TMEM108: variants seen among roughly 807,000 people sequenced by gnomAD.
TMEM108 encodes the protein transmembrane protein 108.
Under a neutral mutation model 35.1 loss-of-function variants are expected in TMEM108, and 12 were observed. That is an observed-to-expected ratio of 0.34 (90% CI 0.22 to 0.55). The LOEUF (loss-of-function observed/expected upper bound fraction) is 0.55, where lower values mean the gene tolerates loss of function less well. TMEM108 is among the 20% of genes least tolerant of loss of function. The pLI, the probability that TMEM108 is intolerant of heterozygous loss-of-function variation, is 0.89. For synonymous variants in TMEM108, 287 were observed against 308.6 expected (o/e 0.93, Z 0.73); for missense variants, 680 against 753.3 (o/e 0.90, Z 1.14).
chr3:133,131,129 A>G lies in TMEM108; in HGVS notation c.-47+85109A>G, dbSNP rs564987654. ...TGAATATTTATGTAAACAGCTTTGT[A>G]TAGAAACTTTTCCGTTTAAAACTAA... On this transcript the variant is annotated intron_variant, in intron 2 of 5. Transcript: ENST00000321871. Among the ~76,000 whole-genome samples, 16 of 152,278 alleles carry G rather than the reference A, an allele frequency of 1.1e-4. 1 individual carries two copies. The highest frequency in any genetic ancestry group is 3.1e-4 in the African/African-American group (13 of 41,566).
At chr3:133,183,861 A>C (rs1045438464) in intron 2 of TMEM108, among the ~76,000 whole-genome samples, 2 of 152,206 alleles carry the variant, frequency 1.3e-5, no homozygotes, top group Non-Finnish European at 2.9e-5. Context: ...GTCTGCAGCC[A>C]GCCACAGCTG....
intron 2 of TMEM108, among the ~76,000 whole-genome samples, chr3:133,176,849 A>C (rs1945239002): frequency 6.6e-6 from 1 of 151,994 alleles, no homozygotes; most frequent in Non-Finnish European, 1.5e-5. Context: ...GACACAAAAA[A>C]CCCTTCAAAA....
intron 4 of TMEM108, among the ~76,000 whole-genome samples, chr3:133,385,533 CAAAGGAGGGAAATG>C (rs2073126483): frequency 6.6e-6 from 1 of 152,232 alleles, no homozygotes; most frequent in African/African-American, 2.4e-5. Flanking sequence ...CCTCAGCCTC[CAAAGGAGGGAAATG>C]GCTGTGCACA....
intron 3 of TMEM108, among the ~76,000 whole-genome samples, chr3:133,283,689 C>T (rs936389356): frequency 6.6e-6 from 1 of 152,152 alleles, no homozygotes; most frequent in Non-Finnish European, 1.5e-5. Flanking sequence ...TTTCTTACAC[C>T]TTCAGCAATT....
intron 3 of TMEM108, among the ~76,000 whole-genome samples, chr3:133,302,019 T>C (rs1010813714): frequency 5.3e-5 from 8 of 152,198 alleles, no homozygotes; most frequent in African/African-American, 1.9e-4. Flanking sequence ...TAAGCCTCAG[T>C]GCTCCCACCT....
chr3:133,086,781 A>G (rs1338044975), intron 2 of TMEM108, among the ~76,000 whole-genome samples: 3 of 152,206 alleles, frequency 2.0e-5, no homozygotes, highest in African/African-American at 7.2e-5. Flanking sequence ...CCTTGTTAGC[A>G]GAAGGTAGAG....
intron 3 of TMEM108, among the ~76,000 whole-genome samples, chr3:133,325,538 C>T (rs1441609979): frequency 6.6e-6 from 1 of 152,000 alleles, no homozygotes; most frequent in African/African-American, 2.4e-5. Flanking sequence ...TTATTCAGAT[C>T]CTGACTCAAA....
intron 2 of TMEM108, among the ~76,000 whole-genome samples, chr3:133,112,147 G>A (rs1944233121): frequency 6.6e-6 from 1 of 152,120 alleles, no homozygotes; most frequent in African/African-American, 2.4e-5. Flanking sequence ...GCTGAAGGCT[G>A]TAATGAGGCA....
At chr3:133,365,187 T>C (rs747776777) in intron 3 of TMEM108, among the ~76,000 whole-genome samples, 11 of 152,070 alleles carry the variant, frequency 7.2e-5, no homozygotes, top group South Asian at 2.1e-4. Context: ...TTGTTGTGGG[T>C]TGGGGAAGGA....
intron 3 of TMEM108, chr3:133,248,202 A>C (rs1361569321): frequency 6.6e-6 from 1 of 152,118 alleles, no homozygotes; most frequent in Admixed American, 6.5e-5. Flanking sequence ...TGACGATAAC[A>C]AGCCTTTTGT....
chr3:133,236,508 C>T (rs1000708323), intron 3 of TMEM108, among the ~76,000 whole-genome samples: 3 of 152,054 alleles, frequency 2.0e-5, no homozygotes, highest in African/African-American at 7.2e-5. Flanking sequence ...TCCATATTAC[C>T]TGTCTGTAGA....
intron 3 of TMEM108, among the ~76,000 whole-genome samples, chr3:133,354,446 C>G (rs926588701): frequency 2.0e-5 from 3 of 152,202 alleles, no homozygotes; most frequent in Admixed American, 6.5e-5. Flanking sequence ...CGCTCAGCCC[C>G]ATCTCCACGG....
chr3:133,340,062 C>G (rs1259595320), intron 3 of TMEM108, among the ~76,000 whole-genome samples: 2 of 151,120 alleles, frequency 1.3e-5, no homozygotes, highest in Non-Finnish European at 3.0e-5. Flanking sequence ...AAGAGGAAAA[C>G]AAATCCAAAA....
At chr3:133,088,091 G>A (rs1191299821) in intron 2 of TMEM108, among the ~76,000 whole-genome samples, 18 of 152,192 alleles carry the variant, frequency 1.2e-4, no homozygotes, top group Admixed American at 1.2e-3. Flanking sequence ...ATTTTAGCCT[G>A]TTATAGGCCT....
intron 3 of TMEM108, among the ~76,000 whole-genome samples, chr3:133,319,833 A>G (rs1275366353): frequency 6.6e-6 from 1 of 152,202 alleles, no homozygotes; most frequent in African/African-American, 2.4e-5. Context: ...GGGACCCTTC[A>G]TGGGACCTTC....
chr3:133,193,507 A>G (rs1361835329), intron 2 of TMEM108, among the ~76,000 whole-genome samples: 1 of 152,180 alleles, frequency 6.6e-6, no homozygotes, highest in East Asian at 1.9e-4. Flanking sequence ...AGTTGGAATC[A>G]TGGCTCTGCT....
chr3:133,090,859 A>G (rs1327801273), intron 2 of TMEM108, among the ~76,000 whole-genome samples: 1 of 152,138 alleles, frequency 6.6e-6, no homozygotes, highest in East Asian at 1.9e-4. Context: ...ACTTGAAAGT[A>G]TTCTATTATA....
intron 2 of TMEM108, among the ~76,000 whole-genome samples, chr3:133,216,064 GT>G (rs1474412435): frequency 6.6e-6 from 1 of 150,488 alleles, no homozygotes; most frequent in African/African-American, 2.4e-5. Context: ...ACACCACCTT[GT>G]TTTTTTTTCC....
At chr3:133,307,578 C>G (rs1244529802) in intron 3 of TMEM108, among the ~76,000 whole-genome samples, 1 of 152,154 alleles carries the variant, frequency 6.6e-6, no homozygotes, top group East Asian at 1.9e-4. Flanking sequence ...CCAGTTTCAG[C>G]TATCTACATA....
Sources: allele counts gnomAD v4.1 joint callset (sites outside exome capture counted in the v4.1 genomes callset), GRCh38; gene constraint gnomAD v4.1.1; transcripts MANE v1.5; gene names NCBI Gene and HGNC (gene_info 2026-07-23, HGNC 2026-07-21).